Variants in GRM8 observed in about 807,000 individuals in gnomAD.
GRM8 encodes the protein glutamate metabotropic receptor 8.
A neutral mutation model predicts 87.2 loss-of-function variants in GRM8; 47 were observed. The ratio of observed to expected loss-of-function variants is 0.54; its 90% CI spans 0.43 to 0.69. The LOEUF is 0.69. Ranked by LOEUF, GRM8 falls within the 30% of genes least tolerant of loss-of-function variation. GRM8 has a pLI of 0.00. For synonymous variants in GRM8, 396 were observed against 404.5 expected (o/e 0.98, Z 0.25); for missense variants, 1,019 against 1,139.2 (o/e 0.89, Z 1.52).
intron 7 of GRM8, among the ~76,000 whole-genome samples, chr7:126,738,691 G>GT (rs1814531301): frequency 7.0e-6 from 1 of 143,246 alleles, no homozygotes; most frequent in African/African-American, 2.6e-5. Flanking sequence ...GATTACCAGT[G>GT]TGGGGGGTGA....
chr7:126,671,611 T>G (rs2151307033), intron 7 of GRM8, among the ~76,000 whole-genome samples: 1 of 152,322 alleles, frequency 6.6e-6, no homozygotes, highest in African/African-American at 2.4e-5. Context: ...GATCCCCAGC[T>G]GCAGCTCAGA....
At chr7:126,599,888 T>A (rs1797567872) in intron 8 of GRM8, among the ~76,000 whole-genome samples, 1 of 152,146 alleles carries the variant, frequency 6.6e-6, no homozygotes, top group African/African-American at 2.4e-5. Context: ...AAGACACTTC[T>A]AAACCATCCC....
At chr7:126,749,098 A>C (rs1454873626) in intron 7 of GRM8, among the ~76,000 whole-genome samples, 1 of 151,846 alleles carries the variant, frequency 6.6e-6, no homozygotes, top group Non-Finnish European at 1.5e-5. Context: ...ACATGATGAA[A>C]CCTCGTCTCT....
intron 3 of GRM8, among the ~76,000 whole-genome samples, chr7:127,100,874 T>C (rs960481115): frequency 1.3e-5 from 2 of 152,170 alleles, no homozygotes; most frequent in African/African-American, 4.8e-5. Context: ...CATGAGTCCA[T>C]CCTCATTCCC....
chr7:127,238,313 T>C (rs868819400), intron 2 of GRM8, among the ~76,000 whole-genome samples: 1 of 120,168 alleles, frequency 8.3e-6, no homozygotes, highest in Non-Finnish European at 1.7e-5. Context: ...TGCATGTGTG[T>C]GTGTGTGTGT....
chr7:126,880,902 G>C (rs574699564), intron 6 of GRM8, among the ~76,000 whole-genome samples: 1 of 152,164 alleles, frequency 6.6e-6, no homozygotes, highest in East Asian at 1.9e-4. Flanking sequence ...TCTAATGCCT[G>C]GTCTATAAGA....
In GRM8 at chr7:126,729,101, A is replaced by T. The variant is rs145357799; in HGVS notation, c.1357+40764T>A. Among the ~76,000 whole-genome samples the T allele has an allele frequency of 6.4e-4, 97 of 152,228 alleles. 1 individual carries two copies. The highest frequency in any genetic ancestry group is 2.0e-3 in the African/African-American group (85 of 41,538). The stretch of plus-strand genomic sequence containing the variant: ...TGGCAAGCTATCATAGTGATTAAAG[A>T]CCTGATTCCGTCCCCTCCCACCTGT... On this transcript the variant is annotated intron_variant, in intron 7 of 10. Coordinates refer to ENST00000339582, the MANE Select transcript of GRM8 (RefSeq NM_000845.3).
intron 2 of GRM8, among the ~76,000 whole-genome samples, chr7:127,183,760 C>T (rs1794598345): frequency 6.6e-6 from 1 of 151,622 alleles, no homozygotes; most frequent in African/African-American, 2.4e-5. Context: ...CTTTGAAAAG[C>T]TCAATAAAAT....
intron 1 of GRM8, among the ~76,000 whole-genome samples, chr7:127,247,567 G>A (rs957732228): frequency 2.6e-5 from 4 of 152,070 alleles, no homozygotes; most frequent in Non-Finnish European, 5.9e-5. Flanking sequence ...TGCAATATGT[G>A]TGCATGTCTA....
intron 6 of GRM8, among the ~76,000 whole-genome samples, chr7:126,836,867 C>A (rs1361370503): frequency 6.6e-6 from 1 of 152,120 alleles, no homozygotes; most frequent in Admixed American, 6.6e-5. Context: ...GCACGTAGTA[C>A]AAACTAAACA....
intron 7 of GRM8, among the ~76,000 whole-genome samples, chr7:126,727,856 G>C (rs1268531608): frequency 6.6e-6 from 1 of 152,108 alleles, no homozygotes; most frequent in Non-Finnish European, 1.5e-5. Flanking sequence ...AACTTGAGTA[G>C]CTGGGCATTA....
At chr7:126,497,661 T>C (rs1808967248) in intron 9 of GRM8, among the ~76,000 whole-genome samples, 2 of 152,016 alleles carry the variant, frequency 1.3e-5, no homozygotes. Context: ...CTAGATGGAA[T>C]GGTTTTTATC....
intron 2 of GRM8, among the ~76,000 whole-genome samples, chr7:127,110,749 T>C (rs1587048114): frequency 6.6e-6 from 1 of 152,172 alleles, no homozygotes; most frequent in Non-Finnish European, 1.5e-5. Flanking sequence ...CCATTCTCTT[T>C]GGGAGCTCCA....
intron 6 of GRM8, among the ~76,000 whole-genome samples, chr7:126,856,096 T>G (rs1037435050): frequency 1.3e-5 from 2 of 151,882 alleles, no homozygotes; most frequent in Non-Finnish European, 2.9e-5. Flanking sequence ...AAAATCTACG[T>G]TTTTTTTCCA....
At chr7:127,059,429 TG>T (rs1226862495) in intron 3 of GRM8, among the ~76,000 whole-genome samples, 2 of 150,816 alleles carry the variant, frequency 1.3e-5, no homozygotes, top group Non-Finnish European at 3.0e-5. Flanking sequence ...CTCCACCTCC[TG>T]GGTTCAAGCG....
chr7:126,912,462 C>G (rs1043955909), intron 3 of GRM8, among the ~76,000 whole-genome samples: 6 of 152,184 alleles, frequency 3.9e-5, no homozygotes, highest in African/African-American at 1.4e-4. Flanking sequence ...AATTTGCAGA[C>G]AGAAGATTGT....
intron 1 of GRM8, among the ~76,000 whole-genome samples, chr7:127,248,087 A>T (rs1798672391): frequency 6.6e-6 from 1 of 152,246 alleles, no homozygotes; most frequent in South Asian, 2.1e-4. Flanking sequence ...GATTTAGGAG[A>T]ATTCAATTTG....
At chr7:126,990,311 T>C (rs1289776928) in intron 3 of GRM8, among the ~76,000 whole-genome samples, 1 of 150,908 alleles carries the variant, frequency 6.6e-6, no homozygotes, top group Non-Finnish European at 1.5e-5. Flanking sequence ...GAGGGTTCCC[T>C]GAAAAGATTT....
chr7:126,989,258 T>G (rs770698768), intron 3 of GRM8, among the ~76,000 whole-genome samples: 1 of 152,224 alleles, frequency 6.6e-6, no homozygotes, highest in Non-Finnish European at 1.5e-5. Flanking sequence ...TCCGTTAAAT[T>G]TCCTAAATTC....
Sources: allele counts gnomAD v4.1 joint callset (sites outside exome capture counted in the v4.1 genomes callset), GRCh38; gene constraint gnomAD v4.1.1; transcripts MANE v1.5; gene names NCBI Gene and HGNC (gene_info 2026-07-23, HGNC 2026-07-21).